ARMC1: variants seen among roughly 807,000 people sequenced by gnomAD.
ARMC1 encodes the protein armadillo repeat-containing protein 1.
In ARMC1, 16 loss-of-function variants were observed where a neutral mutation model predicts 31.4. The observed-to-expected ratio is 0.51, with a 90% CI of 0.34 to 0.77. The LOEUF (loss-of-function observed/expected upper bound fraction) is 0.77, where lower values mean the gene tolerates loss of function less well. Among genes scored for constraint, ARMC1 ranks in the 30% least tolerant of loss-of-function variants. The pLI is 0.01. For synonymous variants in ARMC1, 114 were observed against 118.9 expected, an observed-to-expected ratio of 0.96 and a Z score of 0.27; for missense variants, 259 against 347.5, an observed-to-expected ratio of 0.75 and a Z score of 2.02.
chr8:65,624,256 T>G (rs1472306576), intron 2 of ARMC1, among the ~76,000 whole-genome samples: 1 of 151,752 alleles, frequency 6.6e-6, no homozygotes, highest in African/African-American at 2.4e-5. Context: ...CTCAGTACCT[T>G]GGGAAGCTGA....
chr8:65,608,976 G>A (rs1202937677), intron 4 of ARMC1, among the ~76,000 whole-genome samples: 2 of 152,158 alleles, frequency 1.3e-5, no homozygotes, highest in African/African-American at 2.4e-5. Flanking sequence ...TGAGAGAATC[G>A]ATGAAATAAA....
chr8:65,627,294 G>C lies in ARMC1; in HGVS notation c.105C>G (p.Val35=), dbSNP rs746153480. The part of the protein sequence containing the change: ...AADPLNRRAI[V]QDQGCLPGLI... ...GGCCAGGCAGACATCCCTGATCCTG[G>C]ACGATGGCTCTTCTGTTTAACGGAT... The change falls in exon 2 of 7, where the codon GTC becomes GTG. Residue 35 remains valine (V), a synonymous_variant. Coordinates refer to ENST00000276569, the MANE Select transcript of ARMC1 (RefSeq NM_018120.6). 11 of 1,613,336 alleles carry C rather than the reference G, an allele frequency of 6.8e-6. No homozygotes were observed. The highest frequency in any genetic ancestry group is 9.3e-6 in the Non-Finnish European group (11 of 1,179,726).
Position 65,604,457 on chromosome 8 carries a change from T to C in ARMC1, c.786A>G (p.Pro262=). 1 of 1,614,216 alleles carries C rather than the reference T, an allele frequency of 6.2e-7. No homozygotes were observed. Among genetic ancestry groups the C allele is most frequent in the Non-Finnish European group, 8.5e-7 (1 of 1,180,030 alleles). The change falls in exon 7 of 7, where the codon CCA becomes CCG. Residue 262 remains proline (P), a synonymous_variant. Transcript: ENST00000276569. ...DKAVSRVGSH[P]EGGASWLSTA... ...TGCTAAGCCAGCTAGCTCCACCTTC[T>C]GGGTGTGAGCCGACCCGGGACACCG... is the stretch of plus-strand genomic sequence containing the variant.
intron 4 of ARMC1, among the ~76,000 whole-genome samples, chr8:65,609,272 T>C (rs1808072126): frequency 6.6e-6 from 1 of 152,068 alleles, no homozygotes; most frequent in South Asian, 2.1e-4. Flanking sequence ...CTGGCTAGCC[T>C]ATATTTTTGT....
rs1384707782 is a variant in ARMC1, at chr8:65,603,492, T to C, written c.*902A>G. 3 of 152,232 alleles carry C rather than the reference T, an allele frequency of 2.0e-5. No individual in the cohort carries two copies. The highest frequency in any genetic ancestry group is 4.4e-5 in the Non-Finnish European group (3 of 68,028). 9.4% of individuals were successfully genotyped at this position (152,232 alleles called of 1,614,324 possible). The stretch of plus-strand genomic sequence containing the variant: ...TTATGGTATTATAGGCATTTGATTT[T>C]TGTTTTCTTATTTTCAGTTTGTCAG... On this transcript the variant is annotated 3_prime_UTR_variant, in exon 7 of 7. Coordinates refer to ENST00000276569, the MANE Select transcript of ARMC1 (RefSeq NM_018120.6).
rs1488674833 is a variant in ARMC1, at chr8:65,627,295, A to C, written c.104T>G (p.Val35Gly). 5 of 1,613,570 alleles carry C rather than the reference A, an allele frequency of 3.1e-6. No individual in the cohort carries two copies. The highest frequency in any genetic ancestry group is 4.2e-6 in the Non-Finnish European group (5 of 1,179,738). Residue 35 changes from valine to glycine, a missense_variant, in exon 2 of 7, where the codon GTC (valine) becomes GGC (glycine). Transcript: ENST00000276569. ...AADPLNRRAI[V>G]QDQGCLPGLI... is the part of the protein sequence containing the mutation. ...GCCAGGCAGACATCCCTGATCCTGGACGATGGCTCTTCTGTTTAACGGATC... is the reference window on the plus strand; with the variant it reads ...GCCAGGCAGACATCCCTGATCCTGGCCGATGGCTCTTCTGTTTAACGGATC...
At chr8:65,624,267 G>C (rs1044757567) in intron 2 of ARMC1, among the ~76,000 whole-genome samples, 31 of 151,788 alleles carry the variant, frequency 2.0e-4, no homozygotes, top group African/African-American at 6.8e-4. Context: ...GGGAAGCTGA[G>C]GGGGGCAGAT....
At chr8:65,613,223 T>A in intron 4 of ARMC1, 21 bp downstream of exon 4, 1 of 1,541,400 alleles carries the variant, frequency 6.5e-7, no homozygotes, top group Non-Finnish European at 8.7e-7. Context: ...TGATTTCTCT[T>A]TCCCATCTAA....
chr8:65,609,635 G>A (rs537338215), intron 4 of ARMC1, among the ~76,000 whole-genome samples: 11 of 152,152 alleles, frequency 7.2e-5, no homozygotes, highest in Non-Finnish European at 1.5e-4. Flanking sequence ...CAAGGCGGGT[G>A]GATCACAAGG....
intron 1 of ARMC1, among the ~76,000 whole-genome samples, chr8:65,628,867 A>G (rs1020919841): frequency 1.4e-4 from 21 of 150,026 alleles, no homozygotes; most frequent in Non-Finnish European, 3.0e-4. Context: ...AAAAATCAGC[A>G]TATCGGCCGG....
intron 1 of ARMC1, among the ~76,000 whole-genome samples, chr8:65,632,208 G>T (rs142990543): frequency 3.9e-5 from 6 of 152,160 alleles, no homozygotes; most frequent in Non-Finnish European, 7.3e-5. Flanking sequence ...GGAGGCCCAG[G>T]GGGGTGGATC....
chr8:65,628,011 A>G (rs1371348405), intron 1 of ARMC1, among the ~76,000 whole-genome samples: 1 of 152,222 alleles, frequency 6.6e-6, no homozygotes, highest in African/African-American at 2.4e-5. Flanking sequence ...CACTGAATCT[A>G]AATACCTCTG....
intron 3 of ARMC1, among the ~76,000 whole-genome samples, chr8:65,619,325 G>A (rs959812422): frequency 6.6e-6 from 1 of 151,828 alleles, no homozygotes; most frequent in African/African-American, 2.4e-5. Context: ...ATCACCTGAG[G>A]CCACGAGTTC....
chr8:65,606,923 C>G (rs1033391929), intron 4 of ARMC1, among the ~76,000 whole-genome samples: 1 of 152,158 alleles, frequency 6.6e-6, no homozygotes, highest in Non-Finnish European at 1.5e-5. Flanking sequence ...CTCATAGCTC[C>G]CTCCACCTCT....
intron 4 of ARMC1, 52 bp from the exon 5 acceptor site, chr8:65,605,590 A>C (rs765957734): frequency 3.1e-6 from 4 of 1,301,396 alleles, no homozygotes; most frequent in East Asian, 2.3e-5. Context: ...AAAGGTAATA[A>C]ATCAGTGAAA....
intron 3 of ARMC1, among the ~76,000 whole-genome samples, chr8:65,618,733 T>C (rs1455423551): frequency 1.3e-5 from 2 of 151,732 alleles, no homozygotes; most frequent in African/African-American, 4.8e-5. Flanking sequence ...TCCCAATGTT[T>C]GGAAAAATCT....
rs965038546 is a variant in ARMC1, at chr8:65,603,117, T to A, written c.*1277A>T. 6.6e-6 allele frequency: 1 copy of A among 152,186 alleles called. No homozygotes were observed. Among genetic ancestry groups the A allele is most frequent in the African/African-American group, 2.4e-5 (1 of 41,454 alleles). 9.4% of individuals were successfully genotyped at this position (152,186 alleles called of 1,614,324 possible). On this transcript the variant is annotated 3_prime_UTR_variant, in exon 7 of 7. Transcript: ENST00000276569. ...TTACTCATATCAACATTAATATGTA[T>A]CTGGATTTATTAATTTCCAAAAAGA...
At chr8:65,621,425 C>A (rs10089029) in intron 3 of ARMC1, among the ~76,000 whole-genome samples, 19,233 of 152,144 alleles carry the variant, frequency 0.13, 2,130 homozygotes, top group East Asian at 0.52. Flanking sequence ...GAATTTACTA[C>A]AAAATTATAT....
rs1476304451 is a variant in ARMC1, at chr8:65,604,078, C to T, written c.*316G>A. 17 of 202,346 alleles carry T rather than the reference C, an allele frequency of 8.4e-5. No individual in the cohort carries two copies. The highest frequency in any genetic ancestry group is 2.6e-4 in the African/African-American group (11 of 42,938). The allele number at this position is 202,346 out of a possible 1,614,324, so 12.5% of individuals were successfully genotyped here. A position where few individuals can be genotyped will look rare whatever the true frequency, so the allele number is the denominator to read the frequency against. On this transcript the variant is annotated 3_prime_UTR_variant, in exon 7 of 7. Transcript: ENST00000276569. ...TGAGTTTTCCTAATCACATGCTTCA[C>T]GTAAAATAAAATGTAAAGCTGCACA...
Sources: gnomAD v4.1 joint callset for allele counts (sites outside exome capture counted in the v4.1 genomes callset) on GRCh38, gnomAD v4.1.1 for gene constraint, MANE v1.5 for transcripts, NCBI Gene and HGNC (gene_info 2026-07-23, HGNC 2026-07-21) for gene names.